FLT1: variants seen among roughly 807,000 people sequenced by gnomAD.
FLT1 encodes fms related receptor tyrosine kinase 1, also known as vascular endothelial growth factor receptor 1.
Under a neutral mutation model 156.3 loss-of-function variants are expected in FLT1, and 49 were observed. The ratio of observed to expected loss-of-function variants is 0.31; its 90% CI spans 0.25 to 0.40. The LOEUF (loss-of-function observed/expected upper bound fraction) is 0.40. FLT1 is among the 10% of genes least tolerant of loss of function. The pLI is 1.00. For missense variants in FLT1, 1,322 were observed against 1,637.2 expected (o/e 0.81, Z 3.32); for synonymous variants, 594 against 583.8 (o/e 1.02, Z -0.25).
intron 3 of FLT1, 41 bp downstream of exon 3, chr13:28,466,862 C>T: frequency 7.0e-7 from 1 of 1,429,592 alleles, no homozygotes; most frequent in Non-Finnish European, 9.9e-7. Context: ...GACTCATTTG[C>T]AAAGCAAAAG....
chr13:28,350,742 C>T (rs540446201), intron 15 of FLT1, among the ~76,000 whole-genome samples: 4 of 152,198 alleles, frequency 2.6e-5, no homozygotes, highest in East Asian at 1.9e-4. Flanking sequence ...CAGGTTTCAT[C>T]GGGAAAGGGC....
Position 28,368,540 on chromosome 13 carries a change from TATGATG to T in FLT1, c.2117-10861_2117-10856del, listed in dbSNP as rs138306957. The T allele has an allele frequency of 8.2e-5, 126 of 1,535,658 alleles. 1 individual carries two copies. Among genetic ancestry groups the T allele is most frequent in the South Asian group, 5.3e-4 (44 of 82,698 alleles). On this transcript the variant is annotated intron_variant, in intron 14 of 29. Transcript: ENST00000282397. ...ATAATAGTTTTCAATAAATGGTAGCTATGATGATGATGATGATGATGATGATAATGA... is the reference window on the plus strand; with the variant it reads ...ATAATAGTTTTCAATAAATGGTAGCTATGATGATGATGATGATGATAATGA...
intron 12 of FLT1, among the ~76,000 whole-genome samples, chr13:28,393,292 T>C (rs1874848671): frequency 1.3e-5 from 2 of 152,134 alleles, no homozygotes; most frequent in South Asian, 2.1e-4. Context: ...TTCAACTCAA[T>C]TGGATCAGGC....
chr13:28,386,204 C>T (rs1874351117), intron 13 of FLT1: 1 of 1,053,968 alleles, frequency 9.5e-7, no homozygotes, highest in East Asian at 5.3e-5. Context: ...GCCTTAATTC[C>T]ATGTCCCTGC....
chr13:28,342,970 T>TCTC lies in FLT1; in HGVS notation c.2355+2474_2355+2475insGAG, dbSNP rs879279415. The stretch of plus-strand genomic sequence containing the variant: ...TTTCTCTCTCTCTCTCTCTCTCTCT[T>TCTC]TCTTTCTTTCTTTTTCTTTCTTTTT... On this transcript the variant is annotated intron_variant, in intron 16 of 29. Coordinates refer to ENST00000282397, the MANE Select transcript of FLT1 (RefSeq NM_002019.4). Among the ~76,000 whole-genome samples, 776 of 98,044 alleles carry TCTC rather than the reference T, an allele frequency of 7.9e-3. 12 individuals are homozygous for TCTC. Among genetic ancestry groups the TCTC allele is most frequent in the African/African-American group, 0.03 (735 of 24,892 alleles). 64.3% of individuals were successfully genotyped at this position (98,044 alleles called of 152,430 possible).
chr13:28,458,936 G>A (rs968685221), intron 3 of FLT1, among the ~76,000 whole-genome samples: 6 of 152,130 alleles, frequency 3.9e-5, no homozygotes, highest in African/African-American at 1.2e-4. Flanking sequence ...AAAAAACTGC[G>A]ATTGCAAACA....
At chr13:28,364,366 C>T (rs552918784) in intron 14 of FLT1, among the ~76,000 whole-genome samples, 57 of 152,324 alleles carry the variant, frequency 3.7e-4, no homozygotes, top group Non-Finnish European at 6.0e-4. Flanking sequence ...GCGTAAGCCA[C>T]AGTCCCTGCC....
At chr13:28,351,457 A>G (rs1872733255) in intron 15 of FLT1, among the ~76,000 whole-genome samples, 1 of 152,200 alleles carries the variant, frequency 6.6e-6, no homozygotes, top group South Asian at 2.1e-4. Context: ...AACCAGTGCC[A>G]TCTCCTTCTA....
chr13:28,319,600 C>T (rs1593676846), intron 23 of FLT1, 66 bp from the exon 24 acceptor site: 1 of 897,048 alleles, frequency 1.1e-6, no homozygotes, highest in Admixed American at 1.9e-5. Flanking sequence ...ACCCGAGTGT[C>T]CATGGGGTCA....
chr13:28,317,741 T>C (rs1871264070), intron 24 of FLT1, 144 bp from the exon 25 acceptor site: 1 of 691,048 alleles, frequency 1.4e-6, no homozygotes, highest in Non-Finnish European at 2.6e-6. Flanking sequence ...GATCTCAACA[T>C]ACCGTACAAC....
intron 10 of FLT1, among the ~76,000 whole-genome samples, chr13:28,421,765 C>A (rs190206465): frequency 4.6e-5 from 7 of 152,246 alleles, no homozygotes; most frequent in Admixed American, 4.6e-4. Flanking sequence ...TACTTTCAAG[C>A]CCTTTTGAAG....
At chr13:28,391,897 C>G (rs1199440910) in intron 12 of FLT1, among the ~76,000 whole-genome samples, 8 of 152,270 alleles carry the variant, frequency 5.3e-5, no homozygotes. Flanking sequence ...CAAAACCTTC[C>G]CATTGCTTAT....
intron 16 of FLT1, among the ~76,000 whole-genome samples, chr13:28,344,384 C>T (rs796151399): frequency 3.3e-5 from 5 of 152,276 alleles, no homozygotes; most frequent in African/African-American, 1.2e-4. Context: ...CCTTGACACT[C>T]CTCCTACACA....
chr13:28,368,414 A>G, intron 14 of FLT1: 1 of 1,411,548 alleles, frequency 7.1e-7, no homozygotes, highest in East Asian at 2.5e-5. Flanking sequence ...GGCCTCCCAA[A>G]GTGCTGGGAT....
chr13:28,494,709 C>T, intron 1 of FLT1, 71 bp downstream of exon 1: 1 of 1,249,162 alleles, frequency 8.0e-7, no homozygotes. Context: ...CCCGCCCTGG[C>T]CTCGGAGGCT....
chr13:28,456,184 C>T (rs544979390), intron 3 of FLT1, among the ~76,000 whole-genome samples: 2 of 152,226 alleles, frequency 1.3e-5, no homozygotes, highest in South Asian at 2.1e-4. Context: ...TTTATAGCAG[C>T]TTTATTCATT....
At chr13:28,380,249 C>T (rs1874019693) in intron 14 of FLT1, among the ~76,000 whole-genome samples, 1 of 152,184 alleles carries the variant, frequency 6.6e-6, no homozygotes, top group Non-Finnish European at 1.5e-5. Context: ...CAGGGATTAT[C>T]ACTTTGGTTA....
chr13:28,417,391 C>T (rs978982218), intron 10 of FLT1, among the ~76,000 whole-genome samples: 3 of 152,098 alleles, frequency 2.0e-5, no homozygotes, highest in African/African-American at 4.8e-5. Flanking sequence ...CTTCAGGGCC[C>T]GGATCCCACC....
chr13:28,462,499 G>A (rs1879634484), intron 3 of FLT1, among the ~76,000 whole-genome samples: 1 of 152,140 alleles, frequency 6.6e-6, no homozygotes, highest in African/African-American at 2.4e-5. Flanking sequence ...TTTTGTTTAT[G>A]ACCTGGTGTT....
Sources: allele counts gnomAD v4.1 joint callset (sites outside exome capture counted in the v4.1 genomes callset), GRCh38; gene constraint gnomAD v4.1.1; transcripts MANE v1.5; gene names NCBI Gene and HGNC (gene_info 2026-07-23, HGNC 2026-07-21).